Variants in SYNJ1 observed in about 807,000 individuals in gnomAD.
SYNJ1 encodes the protein polyphosphatidylinositol phosphatase SYNJ1.
In SYNJ1, 78 loss-of-function variants were observed where a neutral mutation model predicts 168.2. That is an observed-to-expected ratio of 0.46 (90% CI 0.39 to 0.56). The LOEUF is 0.56. Ranked by LOEUF, SYNJ1 falls within the 20% of genes least tolerant of loss-of-function variation. SYNJ1 has a pLI of 0.00. For missense variants in SYNJ1, 1,303 were observed against 1,597.6 expected (o/e 0.82, Z 3.14); for synonymous variants, 539 against 548.6 (o/e 0.98, Z 0.24).
At chr21:32,698,344 T>C (rs1348647676) in intron 4 of SYNJ1, among the ~76,000 whole-genome samples, 1 of 152,214 alleles carries the variant, frequency 6.6e-6, no homozygotes, top group Non-Finnish European at 1.5e-5. Flanking sequence ...TGTTGTTGAC[T>C]TTGAGTCTTC....
At chr21:32,714,046 A>G (rs919197332) in intron 2 of SYNJ1, among the ~76,000 whole-genome samples, 2 of 152,210 alleles carry the variant, frequency 1.3e-5, no homozygotes, top group African/African-American at 4.8e-5. Flanking sequence ...TTCTATAATA[A>G]TATATCAAGC....
intron 2 of SYNJ1, among the ~76,000 whole-genome samples, chr21:32,714,683 G>A (rs776018353): frequency 2.6e-5 from 4 of 152,158 alleles, no homozygotes; most frequent in Non-Finnish European, 4.4e-5. Context: ...GATATGCAGT[G>A]GTTGGTAAGA....
chr21:32,694,392 T>C, intron 5 of SYNJ1, 81 bp from the exon 6 acceptor site: 1 of 1,016,820 alleles, frequency 9.8e-7, no homozygotes, highest in South Asian at 2.0e-5. Context: ...TTTACTAAAA[T>C]CTATTGCATA....
At chr21:32,640,438 G>A (rs2039780914) in intron 29 of SYNJ1, among the ~76,000 whole-genome samples, 1 of 152,098 alleles carries the variant, frequency 6.6e-6, no homozygotes, top group Non-Finnish European at 1.5e-5. Flanking sequence ...TGGGACTACA[G>A]GCGCCCGCCA....
At chr21:32,696,641 C>T (rs1252670121) in intron 4 of SYNJ1, among the ~76,000 whole-genome samples, 2 of 152,064 alleles carry the variant, frequency 1.3e-5, no homozygotes, top group East Asian at 1.9e-4. Flanking sequence ...TTAAGTGCTC[C>T]GTACTCTCTC....
chr21:32,664,061 C>A (rs2040823561), intron 18 of SYNJ1, among the ~76,000 whole-genome samples: 1 of 152,162 alleles, frequency 6.6e-6, no homozygotes, highest in South Asian at 2.1e-4. Context: ...GTTCCCAGTG[C>A]TAGGAGGATT....
chr21:32,634,772 GAA>G (rs1317894114), intron 32 of SYNJ1, 87 bp downstream of exon 32: 6 of 1,380,240 alleles, frequency 4.3e-6, no homozygotes, highest in Non-Finnish European at 5.0e-6. Flanking sequence ...AAAAATGGGT[GAA>G]ACTTTAGATG....
intron 30 of SYNJ1, among the ~76,000 whole-genome samples, chr21:32,639,445 G>A (rs1468041332): frequency 1.3e-5 from 2 of 152,158 alleles, no homozygotes; most frequent in Non-Finnish European, 2.9e-5. Flanking sequence ...AGGCTGGAGT[G>A]CAGTGGTGTG....
chr21:32,645,577 C>A, intron 25 of SYNJ1, 69 bp downstream of exon 25: 6 of 1,429,540 alleles, frequency 4.2e-6, no homozygotes, highest in East Asian at 2.6e-5. Flanking sequence ...GATTGGAAAA[C>A]ATGCAAAACA....
At chr21:32,654,968 T>C (rs751109450) in intron 21 of SYNJ1, among the ~76,000 whole-genome samples, 8 of 152,214 alleles carry the variant, frequency 5.3e-5, no homozygotes, top group Non-Finnish European at 1.2e-4. Flanking sequence ...GTGTTTGCTT[T>C]TTCTCTTCCA....
chr21:32,694,236 C>A lies in SYNJ1; in HGVS notation c.781G>T (p.Gly261Trp). ...GAATGTCAAACACATACTTGCAACC[C>A]TGGTTGCTCCCAGAACAATGGAACA... is the stretch of plus-strand genomic sequence containing the variant. The part of the protein sequence containing the change: ...GSVPLFWEQP[G>W]LQVGSHRVRM... The change falls in exon 6 of 33, where the codon GGG (glycine) becomes TGG (tryptophan). Residue 261 changes from glycine to tryptophan, a missense_variant. This residue lies in a region of SYNJ1 where 920 missense variants were observed against 1,208.8 expected (regional missense o/e 0.76). Coordinates refer to ENST00000674351, the MANE Select transcript of SYNJ1 (RefSeq NM_203446.3). 1.3e-6 allele frequency: 2 copies of A among 1,534,656 alleles called. No individual in the cohort carries two copies. The highest frequency in any genetic ancestry group is 8.7e-7 in the Non-Finnish European group (1 of 1,146,944).
intron 2 of SYNJ1, 75 bp downstream of exon 2, chr21:32,726,696 TA>T: frequency 6.4e-7 from 1 of 1,560,174 alleles, no homozygotes; most frequent in Non-Finnish European, 8.7e-7. Context: ...GGCTCTTTTC[TA>T]AAAAATGGTT....
Position 32,631,473 on chromosome 21 carries a change from T to C in SYNJ1, c.*332A>G. On this transcript the variant is annotated 3_prime_UTR_variant, in exon 33 of 33. Coordinates refer to ENST00000674351, the MANE Select transcript of SYNJ1 (RefSeq NM_203446.3). ...TTCTTCAGACTTGGCTCTAAATGGG[T>C]TTCCAGGAGCAGCAGTCCTGTCACT... 6.2e-7 allele frequency: 1 copy of C among 1,614,116 alleles called. No individual in the cohort carries two copies. The highest frequency in any genetic ancestry group is 2.2e-5 in the East Asian group (1 of 44,886).
At chr21:32,728,131 C>G (rs2043565026), upstream of SYNJ1, 4 of 1,385,694 alleles carry the variant, frequency 2.9e-6, no homozygotes, top group East Asian at 2.8e-5. Context: ...CGCCGACCGG[C>G]TGGGCCTGGC....
At chr21:32,649,062 T>C (rs1958488191) in intron 23 of SYNJ1, among the ~76,000 whole-genome samples, 1 of 152,248 alleles carries the variant, frequency 6.6e-6, no homozygotes, top group African/African-American at 2.4e-5. Context: ...CTGGGAAAGC[T>C]TGCCCAATTT....
At chr21:32,723,355 G>A (rs998662267) in intron 2 of SYNJ1, among the ~76,000 whole-genome samples, 3 of 152,224 alleles carry the variant, frequency 2.0e-5, no homozygotes, top group Non-Finnish European at 4.4e-5. Context: ...TGACTAAAAT[G>A]TCTGTTTAAA....
intron 22 of SYNJ1, among the ~76,000 whole-genome samples, chr21:32,652,202 ATTT>A (rs373043202): frequency 2.8e-5 from 4 of 144,854 alleles, no homozygotes; most frequent in Admixed American, 1.4e-4. Flanking sequence ...CACACAAAGA[ATTT>A]TTTTTTTTTT....
intron 2 of SYNJ1, among the ~76,000 whole-genome samples, chr21:32,710,940 G>T (rs182181446): frequency 2.8e-4 from 42 of 152,166 alleles, no homozygotes; most frequent in Middle Eastern, 3.4e-3. Flanking sequence ...CTGTTGAAAT[G>T]GAAACTATAC....
intron 8 of SYNJ1, 95 bp from the exon 9 acceptor site, chr21:32,686,012 T>C (rs2146091602): frequency 7.5e-7 from 1 of 1,329,518 alleles, no homozygotes; most frequent in South Asian, 1.4e-5. Flanking sequence ...TGGCAATAAA[T>C]CTTTTCCCTA....
Sources: gnomAD v4.1 joint callset for allele counts (sites outside exome capture counted in the v4.1 genomes callset) on GRCh38, gnomAD v4.1.1 for gene constraint, gnomAD v4.1.1 regional missense constraint, MANE v1.5 for transcripts, NCBI Gene and HGNC (gene_info 2026-07-23, HGNC 2026-07-21) for gene names.